The following CCDC171 variants were observed in gnomAD, a reference collection of about 807,000 sequenced individuals.
The protein encoded by CCDC171 is coiled-coil domain-containing protein 171.
In CCDC171, 177 loss-of-function variants were observed where a neutral mutation model predicts 168.2. That is an observed-to-expected ratio of 1.05 (90% confidence interval 0.93 to 1.19). The LOEUF (loss-of-function observed/expected upper bound fraction) is 1.19, where lower values mean the gene tolerates loss of function less well. Ranked by LOEUF, CCDC171 falls within the 50% of genes most tolerant of loss-of-function variation. The probability of loss-of-function intolerance (pLI) is 0.00; values close to 1 mark genes in which losing one functional copy is unlikely to be tolerated. For synonymous variants in CCDC171, 687 were observed against 540.8 expected (o/e 1.27, Z -3.75); for missense variants, 1,991 against 1,539.0 (o/e 1.29, Z -4.91).
the CCDC171 span, among the ~76,000 whole-genome samples, chr9:16,106,849 T>C: frequency 6.6e-6 from 1 of 152,184 alleles, no homozygotes; most frequent in African/African-American, 2.4e-5. Context: ...CTCAGGGTTT[T>C]CCTGCAAGAC....
intron 4 of CCDC171, among the ~76,000 whole-genome samples, chr9:15,586,637 C>T (rs1414377973): frequency 6.6e-6 from 1 of 152,032 alleles, no homozygotes; most frequent in Non-Finnish European, 1.5e-5. Context: ...CTTAGATTTC[C>T]TTCCAAGAGC....
At chr9:15,843,194 A>G (rs1432358274) in intron 21 of CCDC171, among the ~76,000 whole-genome samples, 5 of 152,080 alleles carry the variant, frequency 3.3e-5, no homozygotes, top group Admixed American at 3.3e-4. Flanking sequence ...CTAAAAAGAA[A>G]TGCAATAAAG....
intron 16 of CCDC171, among the ~76,000 whole-genome samples, chr9:15,740,843 A>G (rs368710882): frequency 6.6e-6 from 1 of 152,274 alleles, no homozygotes; most frequent in East Asian, 1.9e-4. Context: ...TCCAGAAAAC[A>G]AACTGGTTTG....
intron 20 of CCDC171, among the ~76,000 whole-genome samples, chr9:15,779,632 T>C (rs1334055133): frequency 2.6e-5 from 4 of 152,206 alleles, no homozygotes; most frequent in African/African-American, 9.6e-5. Flanking sequence ...AGTGCTGGGA[T>C]TACAGGTGTG....
chr9:15,699,618 G>A (rs567626096), intron 11 of CCDC171, among the ~76,000 whole-genome samples: 26 of 152,126 alleles, frequency 1.7e-4, no homozygotes, highest in African/African-American at 6.0e-4. Flanking sequence ...CGACACAAAG[G>A]TTCTCCAAGG....
intron 7 of CCDC171, among the ~76,000 whole-genome samples, chr9:15,632,570 C>G (rs1433853732): frequency 1.3e-5 from 2 of 152,080 alleles, no homozygotes; most frequent in Non-Finnish European, 2.9e-5. Flanking sequence ...TAGGAAGAAT[C>G]AATATCGTGA....
At chr9:15,662,272 G>T (rs1276332942) in intron 8 of CCDC171, among the ~76,000 whole-genome samples, 1 of 151,978 alleles carries the variant, frequency 6.6e-6, no homozygotes, top group African/African-American at 2.4e-5. Context: ...GTGAGACTCT[G>T]TCCCCATCCC....
At chr9:16,037,018 G>A (rs1304139873) in intron 8 of CCDC171, among the ~76,000 whole-genome samples, 1 of 152,188 alleles carries the variant, frequency 6.6e-6, no homozygotes. Context: ...GTATGAAGAG[G>A]AAATGATGGT....
chr9:15,719,723 T>C (rs1428715871), intron 11 of CCDC171, among the ~76,000 whole-genome samples: 1 of 152,200 alleles, frequency 6.6e-6, no homozygotes, highest in African/African-American at 2.4e-5. Context: ...CCCATTACTC[T>C]TCAGCACTCA....
At chr9:15,745,079 A>G (rs1165033552) in intron 17 of CCDC171, among the ~76,000 whole-genome samples, 1 of 152,182 alleles carries the variant, frequency 6.6e-6, no homozygotes, top group African/African-American at 2.4e-5. Context: ...GTGATTTTTC[A>G]GTTATGTCAA....
chr9:15,664,588 A>ACACACACACACACACACACACT (rs1368494841), intron 8 of CCDC171, among the ~76,000 whole-genome samples: 15 of 150,204 alleles, frequency 1.0e-4, no homozygotes, highest in African/African-American at 3.4e-4. Context: ...ACACACACAC[A>ACACACACACACACACACACACT]CTCACACGAG....
intron 7 of CCDC171, among the ~76,000 whole-genome samples, chr9:15,651,599 G>A (rs1234952424): frequency 2.0e-5 from 3 of 151,990 alleles, no homozygotes; most frequent in South Asian, 2.1e-4. Context: ...GAGAACGTGC[G>A]ATATTTGTCT....
chr9:15,585,395 C>G (rs1340371681), intron 4 of CCDC171, among the ~76,000 whole-genome samples: 3 of 152,132 alleles, frequency 2.0e-5, no homozygotes, highest in African/African-American at 4.8e-5. Flanking sequence ...AAATGCTACT[C>G]AACAATAAGA....
chr9:15,654,807 A>C (rs1475406382), intron 7 of CCDC171, among the ~76,000 whole-genome samples: 1 of 152,116 alleles, frequency 6.6e-6, no homozygotes, highest in African/African-American at 2.4e-5. Flanking sequence ...TGGGTGCAGG[A>C]CAGTGGGTGC....
At chr9:15,846,583 G>A (rs906521209) in intron 21 of CCDC171, 119 bp from the exon 22 acceptor site, 3 of 997,140 alleles carry the variant, frequency 3.0e-6, no homozygotes, top group African/African-American at 3.2e-5. Context: ...ACTTTGATGT[G>A]TAATGACCCA....
At chr9:15,644,422 C>T (rs1239894676) in intron 7 of CCDC171, among the ~76,000 whole-genome samples, 2 of 152,178 alleles carry the variant, frequency 1.3e-5, no homozygotes, top group East Asian at 1.9e-4. Context: ...GCCCAGTGAG[C>T]GTGAGCCTAA....
At chr9:15,994,836 C>A (rs1333399305) in intron 3 of CCDC171, among the ~76,000 whole-genome samples, 1 of 152,156 alleles carries the variant, frequency 6.6e-6, no homozygotes. Context: ...ATTTTAGAAA[C>A]TTCTTTGATA....
chr9:15,639,959 A>G (rs1460328646), intron 7 of CCDC171, among the ~76,000 whole-genome samples: 3 of 152,156 alleles, frequency 2.0e-5, no homozygotes, highest in East Asian at 1.9e-4. Context: ...CCTAATGGAA[A>G]TGCTTATAGA....
intron 4 of CCDC171, among the ~76,000 whole-genome samples, chr9:15,582,373 G>A (rs541085133): frequency 3.9e-5 from 6 of 152,284 alleles, no homozygotes; most frequent in East Asian, 3.9e-4. Flanking sequence ...ACAGTGTGGC[G>A]ATTCCTCAAG....
Sources: allele counts gnomAD v4.1 joint callset (sites outside exome capture counted in the v4.1 genomes callset), GRCh38; gene constraint gnomAD v4.1.1; transcripts MANE v1.5; gene names NCBI Gene and HGNC (gene_info 2026-07-23, HGNC 2026-07-21).